LYPLAL1: variants seen among roughly 807,000 people sequenced by gnomAD.
LYPLAL1 encodes the protein lysophospholipase like 1.
In LYPLAL1, 23 loss-of-function variants were observed where a neutral mutation model predicts 19.7. That is an observed-to-expected ratio of 1.17 (90% CI 0.84 to 1.65). LYPLAL1 has a LOEUF of 1.65. Ranked by LOEUF, LYPLAL1 falls within the 40% of genes most tolerant of loss-of-function variation. The pLI, the probability that LYPLAL1 is intolerant of heterozygous loss-of-function variation, is 0.00. For synonymous variants in LYPLAL1, 119 were observed against 96.3 expected (o/e 1.24, Z -1.38); for missense variants, 355 against 279.4 (o/e 1.27, Z -1.93).
chr1:219,375,768 G>A, the LYPLAL1 span, among the ~76,000 whole-genome samples: 1 of 146,832 alleles, frequency 6.8e-6, no homozygotes, highest in Admixed American at 6.9e-5. Context: ...TGGGGGCAGA[G>A]TCTCGCTCTG....
At chr1:219,202,632 C>A (rs1245462756) in intron 3 of LYPLAL1, among the ~76,000 whole-genome samples, 1 of 152,112 alleles carries the variant, frequency 6.6e-6, no homozygotes, top group Non-Finnish European at 1.5e-5. Context: ...ATTTGAGATT[C>A]CAAACAATTT....
chr1:219,441,674 C>T, the LYPLAL1 span, among the ~76,000 whole-genome samples: 1 of 152,182 alleles, frequency 6.6e-6, no homozygotes, highest in African/African-American at 2.4e-5. Context: ...GTAAGGAAAA[C>T]GCTGTAGCCA....
chr1:219,405,905 C>T, the LYPLAL1 span, among the ~76,000 whole-genome samples: 1 of 152,196 alleles, frequency 6.6e-6, no homozygotes, highest in Non-Finnish European at 1.5e-5. Flanking sequence ...AGCAAGGCCA[C>T]ACTTGAGGTA....
At chr1:219,386,664 T>C in the LYPLAL1 span, among the ~76,000 whole-genome samples, 2 of 152,180 alleles carry the variant, frequency 1.3e-5, no homozygotes, top group Non-Finnish European at 2.9e-5. Context: ...CAGATCTTCT[T>C]TCTTAGACTC....
chr1:219,379,972 C>A, the LYPLAL1 span, among the ~76,000 whole-genome samples: 1 of 152,244 alleles, frequency 6.6e-6, no homozygotes, highest in Non-Finnish European at 1.5e-5. Flanking sequence ...AAGGCAGGAA[C>A]TGGCTGGGGG....
chr1:219,322,085 G>A, the LYPLAL1 span, among the ~76,000 whole-genome samples: 2 of 152,120 alleles, frequency 1.3e-5, no homozygotes, highest in African/African-American at 4.8e-5. Context: ...TTGTGAAGAA[G>A]GCATTTCCCT....
chr1:219,318,735 G>A, the LYPLAL1 span, among the ~76,000 whole-genome samples: 1 of 152,186 alleles, frequency 6.6e-6, no homozygotes, highest in Non-Finnish European at 1.5e-5. Flanking sequence ...AAGGGCTAAT[G>A]ATGAAGTCTT....
intron 1 of LYPLAL1, among the ~76,000 whole-genome samples, chr1:219,177,506 G>A (rs12140499): frequency 0.33 from 50,789 of 152,030 alleles, 8,926 homozygotes; most frequent in Non-Finnish European, 0.38. Context: ...ATTACAAAGA[G>A]GCACCTCACA....
chr1:219,259,307 A>T, the LYPLAL1 span, among the ~76,000 whole-genome samples: 2,980 of 151,980 alleles, frequency 0.02, 49 homozygotes, highest in South Asian at 0.077. Context: ...AGACACTTGG[A>T]CACAAATGTT....
chr1:219,375,273 C>G, the LYPLAL1 span, among the ~76,000 whole-genome samples: 3 of 152,040 alleles, frequency 2.0e-5, no homozygotes, highest in South Asian at 2.1e-4. Context: ...TTGAGACCAA[C>G]CTGACCAACA....
At chr1:219,404,466 G>T in the LYPLAL1 span, among the ~76,000 whole-genome samples, 3 of 152,096 alleles carry the variant, frequency 2.0e-5, no homozygotes, top group African/African-American at 7.2e-5. Flanking sequence ...CTAGAAGATG[G>T]TCTCTTCAGA....
At chr1:219,174,143 C>T in intron 1 of LYPLAL1, 162 bp downstream of exon 1, 1 of 1,447,284 alleles carries the variant, frequency 6.9e-7, no homozygotes, top group South Asian at 1.4e-5. Context: ...GCAGCGCCAC[C>T]TGCCCCCAGC....
chr1:219,344,629 A>C, the LYPLAL1 span, among the ~76,000 whole-genome samples: 1 of 151,958 alleles, frequency 6.6e-6, no homozygotes, highest in Admixed American at 6.6e-5. Context: ...CCCCACCCTA[A>C]CCGCTCCAGC....
the LYPLAL1 span, among the ~76,000 whole-genome samples, chr1:219,440,079 AAC>A: frequency 0.012 from 1,741 of 147,142 alleles, 30 homozygotes; most frequent in African/African-American, 0.041. Context: ...AAGAAATTCA[AAC>A]ACACACACAC....
chr1:219,398,431 T>C, the LYPLAL1 span, among the ~76,000 whole-genome samples: 2 of 152,232 alleles, frequency 1.3e-5, no homozygotes, highest in Non-Finnish European at 1.5e-5. Flanking sequence ...CTATACTGGC[T>C]ACTTTGTCTG....
chr1:219,376,985 T>C, the LYPLAL1 span, among the ~76,000 whole-genome samples: 1 of 152,196 alleles, frequency 6.6e-6, no homozygotes, highest in South Asian at 2.1e-4. Context: ...TCTGGGTATA[T>C]ACCCCAAAGA....
chr1:219,257,117 G>T, the LYPLAL1 span, among the ~76,000 whole-genome samples: 1 of 151,900 alleles, frequency 6.6e-6, no homozygotes, highest in East Asian at 1.9e-4. Flanking sequence ...AGATCTGCTT[G>T]TTCTACTTTA....
the LYPLAL1 span, among the ~76,000 whole-genome samples, chr1:219,320,557 AT>A: frequency 6.6e-6 from 1 of 152,178 alleles, no homozygotes; most frequent in Admixed American, 6.5e-5. Context: ...CGTTATTTAC[AT>A]TAGGTATATC....
the LYPLAL1 span, among the ~76,000 whole-genome samples, chr1:219,273,979 C>T: frequency 6.6e-6 from 1 of 152,190 alleles, no homozygotes; most frequent in Non-Finnish European, 1.5e-5. Context: ...CCAGGCTTGT[C>T]TCGAACTCCT....
Sources: gnomAD v4.1 joint callset for allele counts (sites outside exome capture counted in the v4.1 genomes callset) on GRCh38, gnomAD v4.1.1 for gene constraint, MANE v1.5 for transcripts, NCBI Gene and HGNC (gene_info 2026-07-23, HGNC 2026-07-21) for gene names.